FGF9: variants seen among roughly 807,000 people sequenced by gnomAD.
The protein encoded by FGF9 is fibroblast growth factor 9 (glia-activating factor).
FGF9 carries 3 observed loss-of-function variants against 19.9 expected under a neutral mutation model. The observed-to-expected ratio is 0.15, with a 90% CI of 0.07 to 0.39. FGF9 has a LOEUF of 0.39. Among genes scored for constraint, FGF9 ranks in the 10% least tolerant of loss-of-function variants. The probability of loss-of-function intolerance (pLI) is 1.00; values close to 1 mark genes in which losing one functional copy is unlikely to be tolerated. For synonymous variants in FGF9, 107 were observed against 106.9 expected, an observed-to-expected ratio of 1.00 and a Z score of -0.01; for missense variants, 175 against 256.8, an observed-to-expected ratio of 0.68 and a Z score of 2.18.
intron 2 of FGF9, among the ~76,000 whole-genome samples, chr13:21,684,646 A>G (rs534299435): frequency 1.3e-5 from 2 of 152,138 alleles, no homozygotes; most frequent in East Asian, 3.9e-4. Context: ...GGCATGGTTA[A>G]CTCTCATTCT....
chr13:21,687,113 TG>T (rs1872180311), intron 2 of FGF9, among the ~76,000 whole-genome samples: 1 of 152,190 alleles, frequency 6.6e-6, no homozygotes, highest in Non-Finnish European at 1.5e-5. Context: ...CAAGGTATGA[TG>T]GGTTTCAACT....
chr13:21,674,707 ATT>A (rs528643891), intron 1 of FGF9, among the ~76,000 whole-genome samples: 7 of 142,048 alleles, frequency 4.9e-5, no homozygotes, highest in Admixed American at 7.0e-5. Flanking sequence ...CTCCATGAGC[ATT>A]TTTTTTTTTT....
intron 2 of FGF9, 66 bp from the exon 3 acceptor site, chr13:21,701,124 C>G: frequency 7.4e-7 from 1 of 1,344,930 alleles, no homozygotes. Flanking sequence ...AATCCATCCC[C>G]TAGGTATTAA....
intron 2 of FGF9, among the ~76,000 whole-genome samples, chr13:21,694,480 T>C (rs1244001737): frequency 6.6e-6 from 1 of 152,210 alleles, no homozygotes; most frequent in Non-Finnish European, 1.5e-5. Context: ...TTAATTTTAC[T>C]TCTCAGCCTT....
In FGF9 at chr13:21,701,300, T is replaced by C; in HGVS notation, c.492T>C (p.Val164=). Residue 164 remains valine (V), a synonymous_variant, in exon 3 of 3, where the codon GTT becomes GTC. Transcript: ENST00000382353. ...TGGACACTGGAAGGCGATACTATGT[T>C]GCATTAAATAAAGATGGGACCCCGA... is the stretch of plus-strand genomic sequence containing the variant. The part of the protein sequence containing the change: ...KHVDTGRRYY[V]ALNKDGTPRE... 1.9e-6 allele frequency: 3 copies of C among 1,614,050 alleles called. No individual in the cohort carries two copies. Among genetic ancestry groups the C allele is most frequent in the Non-Finnish European group, 2.5e-6 (3 of 1,179,986 alleles).
chr13:21,683,310 C>A (rs1872085661), intron 2 of FGF9, among the ~76,000 whole-genome samples: 1 of 152,222 alleles, frequency 6.6e-6, no homozygotes, highest in South Asian at 2.1e-4. Flanking sequence ...GCCTGGCACA[C>A]CCCAGTTCCT....
At chr13:21,679,029 T>C (rs1012454343) in intron 1 of FGF9, among the ~76,000 whole-genome samples, 9 of 152,204 alleles carry the variant, frequency 5.9e-5, no homozygotes, top group Non-Finnish European at 1.2e-4. Flanking sequence ...GTGCATCTCA[T>C]GAAAAATGAA....
At position 21,671,453 on chromosome 13, in the gene FGF9, G is replaced by C. The variant is rs757348372; in HGVS notation, c.-460G>C. The C allele has an allele frequency of 4.9e-5, 21 of 431,618 alleles. No homozygotes were observed. The highest frequency in any genetic ancestry group is 8.1e-5 in the Non-Finnish European group (20 of 245,912). The allele number at this position is 431,618 out of a possible 1,614,324, so 26.7% of individuals were successfully genotyped here. A position where few individuals can be genotyped will look rare whatever the true frequency, so the allele number is the denominator to read the frequency against. ...AGTAAAAACAGCGCATGCCTTCCTGGAGTCAGGATCCGTAAATTCTGACGT... is the reference window on the plus strand; with the variant it reads ...AGTAAAAACAGCGCATGCCTTCCTGCAGTCAGGATCCGTAAATTCTGACGT... On this transcript the variant is annotated 5_prime_UTR_variant, in exon 1 of 3. Coordinates refer to ENST00000382353, the MANE Select transcript of FGF9 (RefSeq NM_002010.3).
intron 2 of FGF9, among the ~76,000 whole-genome samples, chr13:21,685,234 G>A (rs1022855196): frequency 5.9e-5 from 9 of 152,126 alleles, no homozygotes; most frequent in South Asian, 2.1e-4. Context: ...ATCTCATTAC[G>A]AAAGAAGGTA....
At chr13:21,681,208 C>G in intron 2 of FGF9, 63 bp downstream of exon 2, 1 of 1,247,230 alleles carries the variant, frequency 8.0e-7, no homozygotes, top group Non-Finnish European at 1.2e-6. Flanking sequence ...GCTGTCTTTT[C>G]TCTGGATTAA....
intron 2 of FGF9, among the ~76,000 whole-genome samples, chr13:21,700,114 G>A (rs1565954543): frequency 6.6e-6 from 1 of 151,952 alleles, no homozygotes; most frequent in Non-Finnish European, 1.5e-5. Context: ...GGGTTCAACT[G>A]AACCCCAGCT....
rs574920124 is a variant in FGF9, at chr13:21,681,256, G to C, written c.381+111G>C. 20 of 819,892 alleles carry C rather than the reference G, an allele frequency of 2.4e-5. No individual in the cohort carries two copies. The African/African-American group carries it at 3.2e-4, about 13-fold the overall frequency. The allele number at this position is 819,892 out of a possible 1,614,324, so 50.8% of individuals were successfully genotyped here. A position where few individuals can be genotyped will look rare whatever the true frequency, so the allele number is the denominator to read the frequency against. ...ATGCAACTGAGTCTGTTTGGAAGGC[G>C]AGTGTAAGTTTTTACTTTTTGAGGA... On this transcript the variant is annotated intron_variant, in intron 2 of 2. Coordinates refer to ENST00000382353, the MANE Select transcript of FGF9 (RefSeq NM_002010.3).
At chr13:21,675,838 C>CAGT (rs1871902683) in intron 1 of FGF9, among the ~76,000 whole-genome samples, 1 of 151,820 alleles carries the variant, frequency 6.6e-6, no homozygotes, top group Admixed American at 6.6e-5. Flanking sequence ...ACAGCAGCAG[C>CAGT]AGTGCAGAGG....
At chr13:21,679,710 G>A (rs968808556) in intron 1 of FGF9, among the ~76,000 whole-genome samples, 1 of 150,630 alleles carries the variant, frequency 6.6e-6, no homozygotes, top group African/African-American at 2.4e-5. Context: ...AAGCCGAGGC[G>A]GGTCGATCAC....
At chr13:21,697,933 G>C (rs17840913) in intron 2 of FGF9, among the ~76,000 whole-genome samples, 1 of 151,212 alleles carries the variant, frequency 6.6e-6, no homozygotes, top group Non-Finnish European at 1.5e-5. Context: ...TCAGCCTCCC[G>C]AGTAGCTGGG....
At chr13:21,699,649 T>C (rs1033640649) in intron 2 of FGF9, among the ~76,000 whole-genome samples, 6 of 152,216 alleles carry the variant, frequency 3.9e-5, no homozygotes, top group Admixed American at 6.5e-5. Context: ...CCAACTGATA[T>C]CTGTGAATTC....
In FGF9 at chr13:21,702,772, C is replaced by G. The variant is rs1395532402; in HGVS notation, c.*1337C>G. ...GAAAATGGCTATCAGTGTGAACTGT[C>G]ATAATTACGTGGTAATAGCACCCTT... On this transcript the variant is annotated 3_prime_UTR_variant, in exon 3 of 3. Transcript: ENST00000382353. The G allele has an allele frequency of 6.6e-6, 1 of 152,106 alleles. No homozygotes were observed. The highest frequency in any genetic ancestry group is 1.5e-5 in the Non-Finnish European group (1 of 68,026). 9.4% of individuals were successfully genotyped at this position (152,106 alleles called of 1,614,324 possible). A position where few individuals can be genotyped will look rare whatever the true frequency, so the allele number is the denominator to read the frequency against.
intron 2 of FGF9, among the ~76,000 whole-genome samples, chr13:21,698,789 A>T (rs1223591237): frequency 6.6e-6 from 1 of 152,140 alleles, no homozygotes; most frequent in East Asian, 1.9e-4. Flanking sequence ...AGGTGATGTG[A>T]TTTCCTGCTG....
At chr13:21,687,852 A>C (rs1438480032) in intron 2 of FGF9, among the ~76,000 whole-genome samples, 2 of 152,214 alleles carry the variant, frequency 1.3e-5, no homozygotes, top group African/African-American at 4.8e-5. Flanking sequence ...TGGTTGTGGG[A>C]TGGTCATCTG....
Sources: allele counts gnomAD v4.1 joint callset (sites outside exome capture counted in the v4.1 genomes callset), GRCh38; gene constraint gnomAD v4.1.1; transcripts MANE v1.5; gene names NCBI Gene and HGNC (gene_info 2026-07-23, HGNC 2026-07-21).